NCOR2: variants seen among roughly 807,000 people sequenced by gnomAD.
NCOR2 encodes the protein nuclear receptor corepressor 2.
NCOR2 carries 81 observed loss-of-function variants against 262.9 expected under a neutral mutation model. The observed-to-expected ratio is 0.31, with a 90% CI of 0.26 to 0.37. The LOEUF (loss-of-function observed/expected upper bound fraction) is 0.37, where lower values mean the gene tolerates loss of function less well. Among genes scored for constraint, NCOR2 ranks in the 10% least tolerant of loss-of-function variants. The pLI, the probability that NCOR2 is intolerant of heterozygous loss-of-function variation, is 1.00. For synonymous variants in NCOR2, 1,659 were observed against 1,559.3 expected, an observed-to-expected ratio of 1.06 and a Z score of -1.51; for missense variants, 3,385 against 3,621.4, an observed-to-expected ratio of 0.93 and a Z score of 1.68.
Position 124,457,068 on chromosome 12 carries a change from G to T in NCOR2, c.762+38C>A. ...CCTGCCCACCTCTCCAGCCACCCCC[G>T]CCCTCCCCTGAGCCCCTGACCCTGT... On this transcript the variant is annotated intron_variant, in intron 6 of 46. Transcript: ENST00000405201. This position sits in a 1 kb window ranked among gnomAD's most constrained non-coding sequence, Gnocchi z 4.0. 5 of 381,918 alleles carry T rather than the reference G, an allele frequency of 1.3e-5. No individual in the cohort carries two copies. Among genetic ancestry groups the T allele is most frequent in the Non-Finnish European group, 1.9e-5 (5 of 257,246 alleles). The allele number at this position is 381,918 out of a possible 1,614,324, so 23.7% of individuals were successfully genotyped here.
intron 13 of NCOR2, among the ~76,000 whole-genome samples, chr12:124,417,377 C>T (rs1448273227): frequency 2.0e-5 from 3 of 152,218 alleles, no homozygotes; most frequent in Non-Finnish European, 4.4e-5. Flanking sequence ...CACCGACACC[C>T]CCCACCCTTC....
intron 2 of NCOR2, among the ~76,000 whole-genome samples, chr12:124,485,572 G>A (rs2047728451): frequency 6.6e-6 from 1 of 152,224 alleles, no homozygotes; most frequent in Non-Finnish European, 1.5e-5. Context: ...CGTTGCGACG[G>A]CAGGCCCAGG....
intron 22 of NCOR2, among the ~76,000 whole-genome samples, chr12:124,359,516 T>C (rs562338767): frequency 6.6e-6 from 1 of 152,208 alleles, no homozygotes; most frequent in Admixed American, 6.5e-5. Flanking sequence ...GGGGCACAGA[T>C]GCAGGGGAAT....
intron 6 of NCOR2, among the ~76,000 whole-genome samples, chr12:124,451,645 G>A (rs1030622936): frequency 2.0e-5 from 3 of 152,190 alleles, no homozygotes; most frequent in African/African-American, 4.8e-5. Flanking sequence ...GAGCCTCCCA[G>A]GGTGGCCATG....
Position 124,481,011 on chromosome 12 carries a change from G to A in NCOR2, c.411+2585C>T, listed in dbSNP as rs2047437419. 6.6e-6 allele frequency among the ~76,000 whole-genome samples: 1 copy of A among 151,984 alleles called. No homozygotes were observed. The highest frequency in any genetic ancestry group is 2.4e-5 in the African/African-American group (1 of 41,342). On this transcript the variant is annotated intron_variant, in intron 3 of 46. Coordinates refer to ENST00000405201, the Ensembl canonical transcript of NCOR2. This position sits in a 1 kb window ranked among gnomAD's most constrained non-coding sequence, Gnocchi z 4.6. ...TGGCCGCAGGCAGATGGGCTGGGTG[G>A]CGCTGGGTGGTGGCTGGGAGTGGCT... is the stretch of plus-strand genomic sequence containing the variant.
In NCOR2 at chr12:124,566,521, C is replaced by T. The variant is rs909482090; in HGVS notation, c.-165+787G>A. On this transcript the variant is annotated intron_variant, in intron 1 of 32. Transcript: ENST00000458234. This position sits in a 1 kb window ranked among gnomAD's most constrained non-coding sequence, Gnocchi z 4.3. ...GTACCCCACGGGTGCCCTCACTCCC[C>T]GCAGGCCTCTGAGGAAGCTGCCCTC... Among the ~76,000 whole-genome samples, 8 of 152,222 alleles carry T rather than the reference C, an allele frequency of 5.3e-5. No individual in the cohort carries two copies. The highest frequency in any genetic ancestry group is 8.8e-5 in the Non-Finnish European group (6 of 68,024).
intron 1 of NCOR2, among the ~76,000 whole-genome samples, chr12:124,502,332 C>T (rs958330591): frequency 6.6e-6 from 1 of 152,190 alleles, no homozygotes; most frequent in Non-Finnish European, 1.5e-5. Context: ...ATTACTGATC[C>T]CAAATCCCCC....
chr12:124,456,044 T>A (rs752177227), intron 6 of NCOR2, among the ~76,000 whole-genome samples: 1 of 152,180 alleles, frequency 6.6e-6, no homozygotes, highest in African/African-American at 2.4e-5. Flanking sequence ...CCTGGTGAAT[T>A]TTTTAATTTT....
chr12:124,352,996 G>A (rs1219143159), intron 27 of NCOR2, among the ~76,000 whole-genome samples: 1 of 152,230 alleles, frequency 6.6e-6, no homozygotes, highest in Non-Finnish European at 1.5e-5. Flanking sequence ...TGTGCGTGCA[G>A]GCCACACGCT....
At chr12:124,346,467 G>A in intron 31 of NCOR2, 97 bp downstream of exon 33, 1 of 1,297,382 alleles carries the variant, frequency 7.7e-7, no homozygotes, top group Non-Finnish European at 1.0e-6. Flanking sequence ...AGGGCTCTCA[G>A]CCTCGGTTTC....
intron 1 of NCOR2, among the ~76,000 whole-genome samples, chr12:124,553,557 C>T (rs2051782779): frequency 6.6e-6 from 1 of 152,228 alleles, no homozygotes; most frequent in South Asian, 2.1e-4. Flanking sequence ...CCAGTGCCAG[C>T]ACCTGTACGT....
In NCOR2 at chr12:124,462,779, G is replaced by A. The variant is rs555113087; in HGVS notation, c.705+3394C>T. Among the ~76,000 whole-genome samples the A allele has an allele frequency of 1.5e-4, 23 of 152,346 alleles. No homozygotes were observed. The South Asian group carries it at 4.6e-3, about 30-fold the overall frequency. ...GCTCTACTGAATGCTTCACGTTCAC[G>A]GTGACTGTTAATGGTATTATTCTTC... On this transcript the variant is annotated intron_variant, in intron 5 of 46. Coordinates refer to ENST00000405201, the Ensembl canonical transcript of NCOR2.
rs115124992 is a variant in NCOR2, at chr12:124,545,630, C to A, written c.-164-10019G>T. Reference sequence around the variant, plus strand: ...GGTGAGCTCAGCTCAGCCCAGCAGGCGTTCAGAAGCCCAAGTGGCCCGGCT... The same window carrying A: ...GGTGAGCTCAGCTCAGCCCAGCAGGAGTTCAGAAGCCCAAGTGGCCCGGCT... On this transcript the variant is annotated intron_variant, in intron 1 of 32. Coordinates refer to the NCOR2 transcript ENST00000458234. 2.2e-3 allele frequency among the ~76,000 whole-genome samples: 335 copies of A among 152,284 alleles called. 2 individuals are homozygous for A. Among genetic ancestry groups the A allele is most frequent in the African/African-American group, 7.7e-3 (321 of 41,542 alleles).
chr12:124,396,048 A>G (rs1490340443), intron 16 of NCOR2, among the ~76,000 whole-genome samples: 1 of 152,206 alleles, frequency 6.6e-6, no homozygotes, highest in Non-Finnish European at 1.5e-5. Flanking sequence ...CCTCAGAACC[A>G]TCATGCTCCC....
chr12:124,398,086 C>A, intron 16 of NCOR2, 33 bp downstream of exon 18: 1 of 1,613,790 alleles, frequency 6.2e-7, no homozygotes, highest in East Asian at 2.2e-5. Context: ...GGATGCAAAC[C>A]AACAAGGCTT....
Position 124,566,070 on chromosome 12 carries a change from A to G in NCOR2, c.-165+1238T>C, listed in dbSNP as rs1015875626. ...TCAAGGCCACCGGTAACACATCCCA[A>G]CGCGCCCAGAACTCCCCCACCCCGC... On this transcript the variant is annotated intron_variant, in intron 1 of 32. Coordinates refer to the NCOR2 transcript ENST00000458234. This position sits in a 1 kb window ranked among gnomAD's most constrained non-coding sequence, Gnocchi z 4.3. Among the ~76,000 whole-genome samples, 4 of 151,922 alleles carry G rather than the reference A, an allele frequency of 2.6e-5. No homozygotes were observed. Among genetic ancestry groups the G allele is most frequent in the Non-Finnish European group, 4.4e-5 (3 of 67,968 alleles).
chr12:124,541,196 G>A (rs116928246), intron 1 of NCOR2, among the ~76,000 whole-genome samples: 426 of 3,520 alleles, frequency 0.12, 128 homozygotes, highest in South Asian at 0.27. Flanking sequence ...GGGGGATGGG[G>A]AGCAGTGATG....
intron 22 of NCOR2, among the ~76,000 whole-genome samples, chr12:124,358,531 A>G (rs2038203112): frequency 6.6e-6 from 1 of 152,306 alleles, no homozygotes; most frequent in Non-Finnish European, 1.5e-5. Context: ...CAGCACAGGC[A>G]CTGTGCTCAG....
intron 1 of NCOR2, among the ~76,000 whole-genome samples, chr12:124,561,170 G>A (rs909648214): frequency 2.6e-5 from 4 of 152,168 alleles, no homozygotes; most frequent in Admixed American, 1.3e-4. Context: ...CCCACACTTC[G>A]CAGGGACCTG....
Sources: allele counts gnomAD v4.1 joint callset (sites outside exome capture counted in the v4.1 genomes callset), GRCh38; gene constraint gnomAD v4.1.1; non-coding constraint Gnocchi (gnomAD v3.1); transcripts MANE v1.5; gene names NCBI Gene and HGNC (gene_info 2026-07-23, HGNC 2026-07-21).